The following ZNF398 variants were observed in gnomAD, a reference collection of about 807,000 sequenced individuals.
ZNF398 encodes the protein zinc finger protein 398, also known as zinc finger DNA binding protein ZER6.
In ZNF398, 18 loss-of-function variants were observed where a neutral mutation model predicts 41.9. The observed-to-expected ratio is 0.43, with a 90% confidence interval of 0.30 to 0.64. ZNF398 has a LOEUF of 0.64. ZNF398 is among the 30% of genes least tolerant of loss of function. The pLI, the probability that ZNF398 is intolerant of heterozygous loss-of-function variation, is 0.14. For synonymous variants in ZNF398, 260 were observed against 308.8 expected, an observed-to-expected ratio of 0.84 and a Z score of 1.66; for missense variants, 669 against 822.8, an observed-to-expected ratio of 0.81 and a Z score of 2.29.
At chr7:149,168,855 A>G (rs1795276378) in intron 4 of ZNF398, among the ~76,000 whole-genome samples, 4 of 151,994 alleles carry the variant, frequency 2.6e-5, no homozygotes, top group Non-Finnish European at 5.9e-5. Context: ...ACGCCCGGCC[A>G]TATTATTTTT....
intron 4 of ZNF398, among the ~76,000 whole-genome samples, chr7:149,174,551 A>T (rs1375446784): frequency 6.6e-6 from 1 of 152,136 alleles, no homozygotes; most frequent in African/African-American, 2.4e-5. Context: ...TTGGCTAGGC[A>T]TGGTGGGTCA....
chr7:149,178,576 T>C, intron 5 of ZNF398, 72 bp from the exon 6 acceptor site: 1 of 1,285,906 alleles, frequency 7.8e-7, no homozygotes, highest in Non-Finnish European at 1.1e-6. Context: ...CTGTTAGAGC[T>C]GGGTAGGAAT....
intron 2 of ZNF398, among the ~76,000 whole-genome samples, chr7:149,137,162 C>T (rs748720424): frequency 1.3e-5 from 2 of 151,992 alleles, no homozygotes; most frequent in African/African-American, 2.4e-5. Flanking sequence ...CCACCATGCC[C>T]GGCCCATTGA....
At chr7:149,163,671 C>T (rs187285908) in intron 2 of ZNF398, among the ~76,000 whole-genome samples, 136 of 152,270 alleles carry the variant, frequency 8.9e-4, no homozygotes, top group Non-Finnish European at 1.7e-3. Context: ...GACAGGGTTT[C>T]GCCATGTTGG....
In ZNF398 at chr7:149,155,701, ATATATAT is replaced by A. The variant is rs1455475413; in HGVS notation, c.420+1363_420+1369del. Among the ~76,000 whole-genome samples the A allele has an allele frequency of 7.5e-3, 247 of 32,824 alleles. 1 individual carries two copies. Among genetic ancestry groups the A allele is most frequent in the Middle Eastern group, 0.045 (2 of 44 alleles). 21.5% of individuals were successfully genotyped at this position (32,824 alleles called of 152,430 possible). A position where few individuals can be genotyped will look rare whatever the true frequency, so the allele number is the denominator to read the frequency against. ...TATTTGGTTATATATATATATATAT[ATATATAT>A]TTTTTTTTTTTTTTTTTTTTTAATT... On this transcript the variant is annotated intron_variant, in intron 2 of 5. Transcript: ENST00000475153.
chr7:149,128,315 A>G (rs571900907), intron 1 of ZNF398, among the ~76,000 whole-genome samples: 1 of 152,262 alleles, frequency 6.6e-6, no homozygotes, highest in Admixed American at 6.5e-5. Context: ...CTGATTGGCA[A>G]TTGGCTATCT....
At chr7:149,127,622 C>T (rs976210751) in intron 1 of ZNF398, among the ~76,000 whole-genome samples, 4 of 149,940 alleles carry the variant, frequency 2.7e-5, no homozygotes, top group African/African-American at 4.9e-5. Flanking sequence ...GAGGCTGAGT[C>T]GGGAGAGTGG....
At position 149,182,653 on chromosome 7, in the gene ZNF398, C is replaced by T. The variant is rs1013092234; in HGVS notation, c.*2852C>T. ...AGAAGCTGTCACTATCACACATAAG[C>T]ACCATTCCCTTAGAGTGGATCCAGG... is the stretch of plus-strand genomic sequence containing the variant. On this transcript the variant is annotated 3_prime_UTR_variant, in exon 6 of 6. Coordinates refer to ENST00000475153, the MANE Select transcript of ZNF398 (RefSeq NM_170686.3). 1 of 152,240 alleles carries T rather than the reference C, an allele frequency of 6.6e-6. No individual in the cohort carries two copies. The highest frequency in any genetic ancestry group is 2.4e-5 in the African/African-American group (1 of 41,478). The allele number at this position is 152,240 out of a possible 1,614,324, so 9.4% of individuals were successfully genotyped here. A position where few individuals can be genotyped will look rare whatever the true frequency, so the allele number is the denominator to read the frequency against.
chr7:149,134,214 G>A (rs554348378), intron 2 of ZNF398, among the ~76,000 whole-genome samples: 111 of 151,290 alleles, frequency 7.3e-4, no homozygotes, highest in African/African-American at 2.3e-3. Context: ...ACAGGCACCC[G>A]CCACCACGCC....
intron 4 of ZNF398, among the ~76,000 whole-genome samples, chr7:149,174,731 T>C (rs532082733): frequency 2.5e-4 from 38 of 151,802 alleles, no homozygotes; most frequent in Non-Finnish European, 4.4e-4. Flanking sequence ...GAGACCGAGG[T>C]GGAATAATAG....
At position 149,179,113 on chromosome 7, in the gene ZNF398, C is replaced by T. The variant is rs183707865; in HGVS notation, c.1241C>T (p.Thr414Ile). The T allele has an allele frequency of 3.7e-5, 60 of 1,614,120 alleles. No individual in the cohort carries two copies. The Admixed American group carries it at 4.0e-4, about 11-fold the overall frequency. The change falls in exon 6 of 6, where the codon ACC (threonine) becomes ATC (isoleucine). Residue 414 changes from threonine (T) to isoleucine (I), a missense_variant. Physicochemically the swap from Thr to Ile is moderately conservative, Grantham distance 89. Coordinates refer to ENST00000475153, the MANE Select transcript of ZNF398 (RefSeq NM_170686.3). This position sits in a 1 kb window ranked among gnomAD's most constrained non-coding sequence, Gnocchi z 6.1. ...ARTFTHPSRL[T>I]YHLRVHNSTE... The stretch of plus-strand genomic sequence containing the variant: ...ACTTTTACTCACCCATCAAGACTTA[C>T]CTACCATCTTCGGGTCCATAACAGC...
chr7:149,172,205 T>A (rs1795358510), intron 4 of ZNF398, among the ~76,000 whole-genome samples: 1 of 152,208 alleles, frequency 6.6e-6, no homozygotes, highest in Admixed American at 6.5e-5. Context: ...CCACAGTTTG[T>A]TACCTGCCGT....
chr7:149,129,841 C>A (rs1826562670), intron 2 of ZNF398, among the ~76,000 whole-genome samples: 1 of 151,902 alleles, frequency 6.6e-6, no homozygotes, highest in African/African-American at 2.4e-5. Flanking sequence ...GCTCTTGTTG[C>A]CCAGTCTGGA....
chr7:149,166,518 T>C (rs921956607), intron 3 of ZNF398, among the ~76,000 whole-genome samples: 5 of 152,194 alleles, frequency 3.3e-5, no homozygotes, highest in African/African-American at 1.2e-4. Flanking sequence ...CAGCTGGTGG[T>C]TTCCATGGGT....
chr7:149,135,191 T>C (rs1163219094), intron 2 of ZNF398, among the ~76,000 whole-genome samples: 2 of 151,722 alleles, frequency 1.3e-5, no homozygotes, highest in Admixed American at 6.6e-5. Flanking sequence ...GTAAATATTT[T>C]ATCCTGGCCA....
upstream of ZNF398, chr7:149,147,402 T>C (rs548769815): frequency 0.032 from 5,453 of 170,192 alleles, 320 homozygotes; most frequent in African/African-American, 0.12. This position sits in a 1 kb window ranked among gnomAD's most constrained non-coding sequence, Gnocchi z 5.6. Context: ...CTGGCCGCGG[T>C]GGCTGGGCAG....
Position 149,147,646 on chromosome 7 carries a change from G to T in ZNF398, c.-97G>T. On this transcript the variant is annotated 5_prime_UTR_variant, in exon 1 of 6. Coordinates refer to ENST00000475153, the MANE Select transcript of ZNF398 (RefSeq NM_170686.3). The surrounding 1 kb of genome is among the most constrained non-coding windows in gnomAD (Gnocchi z 5.6). ...CAGGGCCGGGTCGGCGCCGCCTGTG[G>T]AGAGGACCCGGCGGCCGGGCCTGCT... is the stretch of plus-strand genomic sequence containing the variant. 1 of 1,204,294 alleles carries T rather than the reference G, an allele frequency of 8.3e-7. No homozygotes were observed. The highest frequency in any genetic ancestry group is 1.0e-6 in the Non-Finnish European group (1 of 965,948). The allele number at this position is 1,204,294 out of a possible 1,614,324, so 74.6% of individuals were successfully genotyped here. A position where few individuals can be genotyped will look rare whatever the true frequency, so the allele number is the denominator to read the frequency against.
At chr7:149,162,227 G>A (rs150048749) in intron 2 of ZNF398, among the ~76,000 whole-genome samples, 2,049 of 151,972 alleles carry the variant, frequency 0.013, 39 homozygotes, top group African/African-American at 0.047. Flanking sequence ...TGTCGCCCAG[G>A]CTGGAGTGCA....
chr7:149,160,227 A>T (rs1196647171), intron 2 of ZNF398, among the ~76,000 whole-genome samples: 3 of 152,254 alleles, frequency 2.0e-5, no homozygotes, highest in Non-Finnish European at 2.9e-5. Flanking sequence ...TCACAAGGTC[A>T]GGAGATCGAG....
Sources: allele counts gnomAD v4.1 joint callset (sites outside exome capture counted in the v4.1 genomes callset), GRCh38; gene constraint gnomAD v4.1.1; non-coding constraint Gnocchi (gnomAD v3.1); transcripts MANE v1.5; gene names NCBI Gene and HGNC (gene_info 2026-07-23, HGNC 2026-07-21).